The following SLC8A1 variants were observed in gnomAD, a reference collection of about 807,000 sequenced individuals.
The protein encoded by SLC8A1 is sodium/calcium exchanger 1.
Under a neutral mutation model 68.3 loss-of-function variants are expected in SLC8A1, and 18 were observed. The observed-to-expected ratio is 0.26, with a 90% CI of 0.18 to 0.39. The LOEUF is 0.39. SLC8A1 is among the 10% of genes least tolerant of loss of function. The pLI, the probability that SLC8A1 is intolerant of heterozygous loss-of-function variation, is 1.00. For synonymous variants in SLC8A1, 475 were observed against 415.5 expected (o/e 1.14, Z -1.74); for missense variants, 985 against 1,156.7 (o/e 0.85, Z 2.15).
At chr2:40,265,475 G>A (rs2065247477) in intron 2 of SLC8A1, among the ~76,000 whole-genome samples, 1 of 152,122 alleles carries the variant, frequency 6.6e-6, no homozygotes, top group African/African-American at 2.4e-5. Context: ...CTGAGCAAAG[G>A]TCAATGGAAA....
intron 2 of SLC8A1, among the ~76,000 whole-genome samples, chr2:40,338,474 C>T (rs1379805939): frequency 6.6e-6 from 1 of 152,100 alleles, no homozygotes; most frequent in Non-Finnish European, 1.5e-5. Context: ...TTGAAGATTA[C>T]TCTGAGATAA....
intron 2 of SLC8A1, among the ~76,000 whole-genome samples, chr2:40,394,106 G>C (rs1686147704): frequency 6.6e-6 from 1 of 152,038 alleles, no homozygotes; most frequent in Non-Finnish European, 1.5e-5. Flanking sequence ...TAGTGCACAG[G>C]ACAGCCCCCC....
chr2:40,372,065 A>G (rs749610794), intron 2 of SLC8A1, among the ~76,000 whole-genome samples: 7 of 152,160 alleles, frequency 4.6e-5, no homozygotes, highest in Non-Finnish European at 1.0e-4. Context: ...TGAAAAGAAG[A>G]AAATTATGAT....
exon 2 of SLC8A1, chr2:40,429,504 G>A (rs72558064): frequency 3.7e-5 from 60 of 1,613,714 alleles, no homozygotes; most frequent in Non-Finnish European, 4.9e-5. Context: ...AGACATACTT[G>A]TAAAACAGAA....
intron 2 of SLC8A1, among the ~76,000 whole-genome samples, chr2:40,329,491 C>G (rs1217358625): frequency 1.3e-5 from 2 of 152,248 alleles, no homozygotes; most frequent in Admixed American, 1.3e-4. Context: ...CTTGCTAAAC[C>G]TGAAAGTATT....
intron 2 of SLC8A1, among the ~76,000 whole-genome samples, chr2:40,344,185 G>C (rs17025849): frequency 2.0e-5 from 3 of 152,132 alleles, no homozygotes; most frequent in Non-Finnish European, 2.9e-5. Flanking sequence ...TATTCCACTA[G>C]AACTATTTAA....
chr2:40,412,929 T>A (rs1235610017), intron 2 of SLC8A1, among the ~76,000 whole-genome samples: 1 of 152,174 alleles, frequency 6.6e-6, no homozygotes, highest in Non-Finnish European at 1.5e-5. Flanking sequence ...TACTTTAAGT[T>A]TTAGGGTACA....
intron 2 of SLC8A1, among the ~76,000 whole-genome samples, chr2:40,262,116 T>C (rs1022390962): frequency 2.6e-5 from 4 of 151,946 alleles, no homozygotes; most frequent in Admixed American, 6.6e-5. Context: ...GCACGCGCCA[T>C]CACGCCCAGC....
intron 6 of SLC8A1, among the ~76,000 whole-genome samples, chr2:40,141,723 C>G (rs1450163162): frequency 6.6e-6 from 1 of 152,150 alleles, no homozygotes; most frequent in Admixed American, 6.6e-5. Flanking sequence ...AAAGCTCTGT[C>G]ATCACCTCAG....
upstream of SLC8A1, among the ~76,000 whole-genome samples, chr2:40,455,618 G>A (rs1279944944): frequency 1.3e-5 from 2 of 152,136 alleles, no homozygotes; most frequent in Non-Finnish European, 2.9e-5. Context: ...CCATACCTAA[G>A]AATCTCAGGT....
chr2:40,321,377 T>C (rs146843605), intron 2 of SLC8A1, among the ~76,000 whole-genome samples: 1 of 152,134 alleles, frequency 6.6e-6, no homozygotes, highest in African/African-American at 2.4e-5. Flanking sequence ...GAAAAGAAAC[T>C]AAACCTCAAG....
intron 1 of SLC8A1, among the ~76,000 whole-genome samples, chr2:40,506,062 C>A (rs1453807884): frequency 6.6e-6 from 1 of 150,884 alleles, no homozygotes; most frequent in African/African-American, 2.4e-5. Context: ...TGCCTTCTGG[C>A]ACCTGAGATG....
Position 40,279,904 on chromosome 2 carries a change from T to C in SLC8A1, c.1809-102049A>G, listed in dbSNP as rs1277531354. 2.5e-4 allele frequency among the ~76,000 whole-genome samples: 38 copies of C among 152,198 alleles called. 1 individual carries two copies. The highest frequency in any genetic ancestry group is 2.4e-3 in the Admixed American group (36 of 15,274). On this transcript the variant is annotated intron_variant, in intron 2 of 7. Transcript: ENST00000406785. ...TTCAGCTCTCCTACATTTTCTTTGT[T>C]TCTTTATCTATTAAACTTTTAAAAA...
At chr2:40,452,161 C>CG (rs556915148), upstream of SLC8A1, 146,105 of 146,570 alleles carry the variant, frequency 1, 72,820 homozygotes, top group East Asian at 1. Flanking sequence ...GGGGCCCGGG[C>CG]GCGCGCGCGC....
intron 2 of SLC8A1, among the ~76,000 whole-genome samples, chr2:40,322,436 T>C (rs1225111067): frequency 6.7e-6 from 1 of 149,382 alleles, no homozygotes; most frequent in Non-Finnish European, 1.5e-5. Flanking sequence ...GGTAGGAGGA[T>C]TGCTTGAGGC....
At chr2:40,140,416 C>T (rs544528240) in intron 6 of SLC8A1, among the ~76,000 whole-genome samples, 2 of 152,202 alleles carry the variant, frequency 1.3e-5, no homozygotes, top group Non-Finnish European at 2.9e-5. Context: ...TGACCTCCCC[C>T]CAAACCCATG....
chr2:40,511,550 A>G (rs1024440484), intron 1 of SLC8A1, among the ~76,000 whole-genome samples: 6 of 152,278 alleles, frequency 3.9e-5, no homozygotes, highest in Non-Finnish European at 8.8e-5. Context: ...TCATATTCAC[A>G]CTTTTACCTT....
At chr2:40,508,520 CATA>C (rs764461966) in intron 1 of SLC8A1, among the ~76,000 whole-genome samples, 15 of 151,730 alleles carry the variant, frequency 9.9e-5, no homozygotes, top group Non-Finnish European at 1.9e-4. Flanking sequence ...AGTTAAGAAC[CATA>C]ATGTCACATA....
intron 2 of SLC8A1, among the ~76,000 whole-genome samples, chr2:40,189,507 G>C (rs1041092545): frequency 1.3e-5 from 2 of 152,202 alleles, no homozygotes; most frequent in South Asian, 4.1e-4. Flanking sequence ...TTTTAGTAGA[G>C]ACAGGGTTTC....
Sources: gnomAD v4.1 joint callset for allele counts (sites outside exome capture counted in the v4.1 genomes callset) on GRCh38, gnomAD v4.1.1 for gene constraint, MANE v1.5 for transcripts, NCBI Gene and HGNC (gene_info 2026-07-23, HGNC 2026-07-21) for gene names.